Variants in PRDM1 observed in about 807,000 individuals in gnomAD.
PRDM1 encodes the protein PR domain zinc finger protein 1.
In PRDM1, 13 loss-of-function variants were observed where a neutral mutation model predicts 62.8. The ratio of observed to expected loss-of-function variants is 0.21; its 90% CI spans 0.13 to 0.33. The LOEUF is 0.33. Ranked by LOEUF, PRDM1 falls within the 10% of genes least tolerant of loss-of-function variation. PRDM1 has a pLI of 1.00. For missense variants in PRDM1, 895 were observed against 1,058.8 expected (o/e 0.85, Z 2.15); for synonymous variants, 396 against 417.6 (o/e 0.95, Z 0.63).
intron 1 of PRDM1, among the ~76,000 whole-genome samples, chr6:106,011,400 A>G (rs1455494241): frequency 6.6e-6 from 1 of 152,138 alleles, no homozygotes. Flanking sequence ...GTAAGACTTG[A>G]ACTCTTCAGT....
intron 1 of PRDM1, among the ~76,000 whole-genome samples, chr6:106,064,080 T>C (rs2114595149): frequency 6.6e-6 from 1 of 152,320 alleles, no homozygotes; most frequent in African/African-American, 2.4e-5. Flanking sequence ...GAAATCACTG[T>C]CCCATCTAAA....
intron 1 of PRDM1, among the ~76,000 whole-genome samples, chr6:106,006,521 T>G (rs1191440134): frequency 6.6e-6 from 1 of 151,920 alleles, no homozygotes; most frequent in Admixed American, 6.6e-5. Flanking sequence ...TCCCTTTGTA[T>G]GTAGAAGATA....
intron 1 of PRDM1, among the ~76,000 whole-genome samples, chr6:106,073,033 G>A (rs1319290731): frequency 6.6e-6 from 1 of 151,824 alleles, no homozygotes; most frequent in Non-Finnish European, 1.5e-5. Flanking sequence ...AAATCCTGGT[G>A]ACAAATAAAT....
At chr6:106,012,586 C>T (rs1207254557) in intron 1 of PRDM1, among the ~76,000 whole-genome samples, 1 of 152,170 alleles carries the variant, frequency 6.6e-6, no homozygotes, top group Non-Finnish European at 1.5e-5. Flanking sequence ...ACATCACACA[C>T]ACCACACATA....
chr6:106,093,144 C>T (rs1774007069), intron 2 of PRDM1, among the ~76,000 whole-genome samples: 1 of 152,148 alleles, frequency 6.6e-6, no homozygotes, highest in African/African-American at 2.4e-5. Flanking sequence ...AGAGCTACTT[C>T]CGGTGCTGCT....
rs1281197775 is a variant in PRDM1, at chr6:106,088,379, G to T, written c.221G>T (p.Gly74Val). ...CCCTGGGATTCTGGTGCTGATGGCG[G>T]TACTTCGGTTCAGGCGGAGGCATCC... is the stretch of plus-strand genomic sequence containing the variant. ...DHPWDSGADG[G>V]TSVQAEASLP... The change falls in exon 2 of 7, where the codon GGT (glycine) becomes GTT (valine). Residue 74 changes from glycine (G) to valine (V), a missense_variant. By Grantham distance (109) the Gly-to-Val change is moderately radical. Around this residue, in one of 4 missense-constraint regions of PRDM1, gnomAD observed 213 missense variants for 283.9 expected, o/e 0.75. Coordinates refer to ENST00000369096, the MANE Select transcript of PRDM1 (RefSeq NM_001198.4). 3 of 1,614,188 alleles carry T rather than the reference G, an allele frequency of 1.9e-6. No individual in the cohort carries two copies. The African/African-American group carries it at 4.0e-5, about 22-fold the overall frequency.
chr6:106,099,230 T>A, intron 3 of PRDM1, 70 bp from the exon 4 acceptor site: 1 of 1,607,380 alleles, frequency 6.2e-7, no homozygotes, highest in South Asian at 1.1e-5. Context: ...CCGGCTGTGT[T>A]TATTCTGAGA....
At chr6:106,065,474 A>G (rs2114596395) in intron 1 of PRDM1, among the ~76,000 whole-genome samples, 1 of 152,334 alleles carries the variant, frequency 6.6e-6, no homozygotes, top group East Asian at 1.9e-4. Context: ...TACACTGGTT[A>G]AAAGTCTGGA....
intron 1 of PRDM1, among the ~76,000 whole-genome samples, chr6:106,055,147 C>A (rs77611372): frequency 0.016 from 2,465 of 152,272 alleles, 214 homozygotes; most frequent in Admixed American, 0.15. Context: ...CGAAGCATGA[C>A]TAGTTAAAAA....
chr6:106,083,693 G>A (rs182086540), upstream of PRDM1, among the ~76,000 whole-genome samples: 32 of 152,348 alleles, frequency 2.1e-4, no homozygotes, highest in African/African-American at 7.2e-4. Context: ...CACTTTTAAT[G>A]TGAGAGCTCT....
At chr6:106,098,666 G>A (rs1774179295) in intron 3 of PRDM1, 18 of 1,349,920 alleles carry the variant, frequency 1.3e-5, no homozygotes, top group Non-Finnish European at 1.7e-5. Flanking sequence ...CCGAGTGTTC[G>A]CTTTGTTATG....
intron 1 of PRDM1, among the ~76,000 whole-genome samples, chr6:106,021,425 G>A (rs1047550950): frequency 1.3e-5 from 2 of 152,298 alleles, no homozygotes; most frequent in African/African-American, 2.4e-5. Context: ...ATTTGCCCAA[G>A]TAGCCAAGTC....
At chr6:106,098,806 T>G in intron 3 of PRDM1, 1 of 1,512,422 alleles carries the variant, frequency 6.6e-7, no homozygotes, top group Non-Finnish European at 8.9e-7. Flanking sequence ...AGTTGAAGCC[T>G]TGGGCGGGGG....
rs138231232 is a variant in PRDM1, at chr6:106,106,843, G to A, written c.1903-68G>A. 2.4e-4 allele frequency: 353 copies of A among 1,489,040 alleles called. No individual in the cohort carries two copies. The highest frequency in any genetic ancestry group is 8.0e-4 in the Admixed American group (42 of 52,250). 92.2% of individuals were successfully genotyped at this position (1,489,040 alleles called of 1,614,324 possible). A position where few individuals can be genotyped will look rare whatever the true frequency, so the allele number is the denominator to read the frequency against. ...GTTGGCCGGTAAGCCTGCCCCTCCC[G>A]TTGGCAACTCTTAATCTTCTGGCCT... is the stretch of plus-strand genomic sequence containing the variant. On this transcript the variant is annotated intron_variant, in intron 6 of 6. Transcript: ENST00000369096. This position sits in a 1 kb window ranked among gnomAD's most constrained non-coding sequence, Gnocchi z 4.4.
intron 1 of PRDM1, among the ~76,000 whole-genome samples, chr6:106,017,512 T>C (rs965012514): frequency 1.3e-5 from 2 of 152,184 alleles, no homozygotes; most frequent in African/African-American, 4.8e-5. Flanking sequence ...CACCCTACCC[T>C]TGCCGGAGGG....
At chr6:106,084,507 C>T (rs978250158), upstream of PRDM1, among the ~76,000 whole-genome samples, 1 of 152,214 alleles carries the variant, frequency 6.6e-6, no homozygotes, top group African/African-American at 2.4e-5. Context: ...TTCCCTTACT[C>T]TATCATGGTT....
In PRDM1 at chr6:106,089,628, A is replaced by G. The variant is rs189123848; in HGVS notation, c.291+1179A>G. On this transcript the variant is annotated intron_variant, in intron 2 of 6. Transcript: ENST00000369096. ...TGCTGCGTGAATGGAGGCAGATTTT[A>G]TAAAAAATAAAATTTAAATTCTAGT... Among the ~76,000 whole-genome samples, 123 of 152,314 alleles carry G rather than the reference A, an allele frequency of 8.1e-4. No individual in the cohort carries two copies. The Middle Eastern group carries it at 0.01, about 13-fold the overall frequency.
intron 1 of PRDM1, among the ~76,000 whole-genome samples, chr6:106,038,681 G>T (rs1311674243): frequency 2.0e-5 from 3 of 152,162 alleles, no homozygotes; most frequent in African/African-American, 7.2e-5. Context: ...ATCGTTGGAG[G>T]ATAGAGTCCC....
intron 1 of PRDM1, among the ~76,000 whole-genome samples, chr6:106,008,438 C>T (rs1168669318): frequency 6.6e-6 from 1 of 152,170 alleles, no homozygotes; most frequent in Non-Finnish European, 1.5e-5. Flanking sequence ...CTCCATGTGC[C>T]GAGCTGGGGT....
Sources: allele counts gnomAD v4.1 joint callset (sites outside exome capture counted in the v4.1 genomes callset), GRCh38; gene constraint gnomAD v4.1.1; regional missense constraint gnomAD v4.1.1; non-coding constraint Gnocchi (gnomAD v3.1); transcripts MANE v1.5; gene names NCBI Gene and HGNC (gene_info 2026-07-23, HGNC 2026-07-21).